The following KIAA1671 variants were observed in gnomAD, a reference collection of about 807,000 sequenced individuals.
KIAA1671 encodes the protein uncharacterized protein KIAA1671.
In KIAA1671, 52 loss-of-function variants were observed where a neutral mutation model predicts 131.2. The observed-to-expected ratio is 0.40, with a 90% CI of 0.32 to 0.50. The LOEUF (loss-of-function observed/expected upper bound fraction) is 0.50, where lower values mean the gene tolerates loss of function less well. Ranked by LOEUF, KIAA1671 falls within the 20% of genes least tolerant of loss-of-function variation. The pLI, the probability that KIAA1671 is intolerant of heterozygous loss-of-function variation, is 0.73. For missense variants in KIAA1671, 2,360 were observed against 2,364.2 expected, an observed-to-expected ratio of 1.00 and a Z score of 0.04; for synonymous variants, 1,003 against 961.6, an observed-to-expected ratio of 1.04 and a Z score of -0.80.
intron 6 of KIAA1671, among the ~76,000 whole-genome samples, chr22:25,136,011 A>C (rs1204521278): frequency 6.6e-6 from 1 of 152,224 alleles, no homozygotes; most frequent in Non-Finnish European, 1.5e-5. Flanking sequence ...CCAAGGTCAC[A>C]CAGCTGGCAG....
intron 6 of KIAA1671, among the ~76,000 whole-genome samples, chr22:25,142,313 T>C (rs11913640): frequency 1.8e-3 from 281 of 152,132 alleles, no homozygotes; most frequent in African/African-American, 6.5e-3. Context: ...AAGGGGAAAA[T>C]CAGCAGTCTG....
intron 8 of KIAA1671, chr22:25,175,525 C>T (rs751913612): frequency 9.2e-5 from 14 of 152,234 alleles, no homozygotes; most frequent in Non-Finnish European, 1.8e-4. Context: ...ATTATATAAC[C>T]ATGGCCATGC....
chr22:25,048,861 AGG>A (rs1813047439), intron 5 of KIAA1671: 1 of 172,662 alleles, frequency 5.8e-6, no homozygotes, highest in Non-Finnish European at 1.2e-5. Flanking sequence ...AAGCCAAGCC[AGG>A]TGCCCAGGAC....
chr22:25,049,042 GGCTGGGCCACTGGAACCCAGAGCTACC>G (rs1927392190), intron 5 of KIAA1671, 161 bp from the exon 6 acceptor site: 1 of 658,306 alleles, frequency 1.5e-6, no homozygotes, highest in African/African-American at 1.8e-5. Flanking sequence ...AAATGGCTGA[GGCTGGGCCACTGGAACCCAGAGCTACC>G]GCCCTACATG....
chr22:25,120,096 T>A (rs1931859628), intron 6 of KIAA1671, among the ~76,000 whole-genome samples: 1 of 152,168 alleles, frequency 6.6e-6, no homozygotes. Context: ...ACATTTCTCC[T>A]GGAGATCTGG....
At chr22:25,045,727 C>T (rs893838395) in intron 5 of KIAA1671, among the ~76,000 whole-genome samples, 334 of 152,102 alleles carry the variant, frequency 2.2e-3, no homozygotes, top group African/African-American at 7.7e-3. Context: ...GTAGCTGGGA[C>T]TACAGGTGCA....
At chr22:25,143,721 A>G (rs1365411600) in intron 6 of KIAA1671, among the ~76,000 whole-genome samples, 1 of 152,122 alleles carries the variant, frequency 6.6e-6, no homozygotes, top group African/African-American at 2.4e-5. Flanking sequence ...CCCAACCCTC[A>G]CCACAAGCCC....
At chr22:24,987,383 G>A (rs750206757) in intron 1 of KIAA1671, among the ~76,000 whole-genome samples, 15 of 151,936 alleles carry the variant, frequency 9.9e-5, no homozygotes, top group Admixed American at 2.6e-4. Flanking sequence ...GTGTTAGCCA[G>A]GATGTTCTCG....
chr22:25,147,899 C>A, intron 6 of KIAA1671, among the ~76,000 whole-genome samples: 1 of 152,136 alleles, frequency 6.6e-6, no homozygotes, highest in Non-Finnish European at 1.5e-5. Flanking sequence ...TAGATGAAGA[C>A]ATTGACACTT....
At chr22:25,074,819 T>C (rs1929021521) in intron 6 of KIAA1671, among the ~76,000 whole-genome samples, 1 of 152,194 alleles carries the variant, frequency 6.6e-6, no homozygotes, top group Non-Finnish European at 1.5e-5. Flanking sequence ...TTGGCTATTG[T>C]GAAGATGCTA....
Position 25,093,729 on chromosome 22 carries a change from ACACACACACTCTCTCTCTCT to A in KIAA1671, c.4530+44367_4530+44386del, listed in dbSNP as rs1930153679. ...CACACACACACACACACACACACAC[ACACACACACTCTCTCTCTCT>A]CTCTCTCTCTCTCTCTCTGTCTCTC... On this transcript the variant is annotated intron_variant, in intron 6 of 12. Transcript: ENST00000358431. Among the ~76,000 whole-genome samples, 17 of 51,300 alleles carry A rather than the reference ACACACACACTCTCTCTCTCT, an allele frequency of 3.3e-4. 1 individual carries two copies. Among genetic ancestry groups the A allele is most frequent in the African/African-American group, 1.2e-3 (7 of 5,960 alleles). The allele number at this position is 51,300 out of a possible 152,430, so 33.7% of individuals were successfully genotyped here.
intron 1 of KIAA1671, among the ~76,000 whole-genome samples, chr22:24,988,148 C>T (rs1365004296): frequency 6.6e-6 from 1 of 151,998 alleles, no homozygotes; most frequent in East Asian, 1.9e-4. Context: ...TGTGTTATGG[C>T]GTGCATCTGT....
At position 25,083,949 on chromosome 22, in the gene KIAA1671, G is replaced by A. The variant is rs557900516; in HGVS notation, c.4530+34585G>A. Among the ~76,000 whole-genome samples, 22 of 152,338 alleles carry A rather than the reference G, an allele frequency of 1.4e-4. No individual in the cohort carries two copies. The South Asian group carries it at 2.3e-3, about 16-fold the overall frequency. On this transcript the variant is annotated intron_variant, in intron 6 of 12. Transcript: ENST00000358431. ...CCCCTATTTGCCGAGAGCAGCCTGG[G>A]CCCAGTGAAAGCCGCCTTTGTCCTC...
chr22:25,119,261 C>T (rs1931823834), intron 6 of KIAA1671, among the ~76,000 whole-genome samples: 1 of 152,162 alleles, frequency 6.6e-6, no homozygotes, highest in African/African-American at 2.4e-5. Flanking sequence ...ATAAGTGACA[C>T]AGCCCTGGTG....
chr22:25,133,567 C>T (rs1301806713), intron 6 of KIAA1671, among the ~76,000 whole-genome samples: 15 of 152,118 alleles, frequency 9.9e-5, no homozygotes, highest in Non-Finnish European at 1.5e-5. Flanking sequence ...TTTTTAGAGA[C>T]AGTCTCGCTG....
At chr22:25,049,060 C>T in intron 5 of KIAA1671, 170 bp from the exon 6 acceptor site, 1 of 806,662 alleles carries the variant, frequency 1.2e-6, no homozygotes, top group Non-Finnish European at 1.9e-6. Context: ...CACTGGAACC[C>T]AGAGCTACCG....
chr22:25,089,742 G>C (rs1929929893), intron 6 of KIAA1671, among the ~76,000 whole-genome samples: 1 of 152,128 alleles, frequency 6.6e-6, no homozygotes, highest in Non-Finnish European at 1.5e-5. Context: ...TTTTGAACCA[G>C]TTGCCTCTAG....
chr22:25,016,036 T>C (rs200173323), intron 1 of KIAA1671, among the ~76,000 whole-genome samples: 9 of 133,146 alleles, frequency 6.8e-5, no homozygotes, highest in East Asian at 2.3e-4. Flanking sequence ...TTTTTTTTTT[T>C]CCCAGACGGA....
chr22:25,047,764 C>T (rs933484889), intron 5 of KIAA1671, among the ~76,000 whole-genome samples: 1 of 152,220 alleles, frequency 6.6e-6, no homozygotes, highest in African/African-American at 2.4e-5. Flanking sequence ...TGAGCTACTG[C>T]GCCTGGCCTT....
Sources: allele counts gnomAD v4.1 joint callset (sites outside exome capture counted in the v4.1 genomes callset), GRCh38; gene constraint gnomAD v4.1.1; transcripts MANE v1.5; gene names NCBI Gene and HGNC (gene_info 2026-07-23, HGNC 2026-07-21).